ATRN: variants seen among roughly 807,000 people sequenced by gnomAD.
The protein encoded by ATRN is attractin-2.
In ATRN, 54 loss-of-function variants were observed where a neutral mutation model predicts 178.7. The observed-to-expected ratio is 0.30, with a 90% CI of 0.24 to 0.38. ATRN has a LOEUF of 0.38. Among genes scored for constraint, ATRN ranks in the 10% least tolerant of loss-of-function variants. The pLI, the probability that ATRN is intolerant of heterozygous loss-of-function variation, is 1.00. For synonymous variants in ATRN, 636 were observed against 663.0 expected (o/e 0.96, Z 0.63); for missense variants, 1,443 against 1,815.1 (o/e 0.79, Z 3.73).
intron 1 of ATRN, among the ~76,000 whole-genome samples, chr20:3,508,501 A>G (rs1483070458): frequency 6.6e-6 from 1 of 152,200 alleles, no homozygotes; most frequent in Non-Finnish European, 1.5e-5. Context: ...ACTTACAGAA[A>G]CAGGCTACTA....
intron 19 of ATRN, among the ~76,000 whole-genome samples, chr20:3,593,416 C>G (rs1405199076): frequency 6.6e-6 from 1 of 152,204 alleles, no homozygotes; most frequent in East Asian, 1.9e-4. Flanking sequence ...TACATATCAT[C>G]ACAAACACCC....
chr20:3,473,680 C>T (rs921314167), intron 1 of ATRN, among the ~76,000 whole-genome samples: 8 of 152,244 alleles, frequency 5.3e-5, no homozygotes, highest in East Asian at 1.9e-4. Flanking sequence ...TTGAGTCAGA[C>T]GAGGATCCTT....
chr20:3,634,846 T>A (rs2087014243), intron 26 of ATRN, among the ~76,000 whole-genome samples: 1 of 152,260 alleles, frequency 6.6e-6, no homozygotes, highest in Non-Finnish European at 1.5e-5. Flanking sequence ...GTTAAGTTTT[T>A]AACTTGAGTT....
intron 25 of ATRN, among the ~76,000 whole-genome samples, chr20:3,628,427 TCCAAAA>T (rs2086961676): frequency 6.6e-6 from 1 of 152,136 alleles, no homozygotes; most frequent in Non-Finnish European, 1.5e-5. Flanking sequence ...TCAACCGTGG[TCCAAAA>T]ACATTAAGTG....
In ATRN at chr20:3,575,270, T is replaced by C. The variant is rs2086192420; in HGVS notation, c.2093-557T>C. Reference sequence around the variant, plus strand: ...AGCCACCGCATCCGGCCATGCAGCTTCTCTTTTCTAGAGTTAACAGGAGAT... The same window carrying C: ...AGCCACCGCATCCGGCCATGCAGCTCCTCTTTTCTAGAGTTAACAGGAGAT... On this transcript the variant is annotated intron_variant, in intron 12 of 28. Transcript: ENST00000262919. Among the ~76,000 whole-genome samples the C allele has an allele frequency of 2.6e-5, 4 of 152,194 alleles. No homozygotes were observed. The South Asian group carries it at 8.3e-4, about 31-fold the overall frequency.
chr20:3,519,598 A>G (rs2085260146), intron 1 of ATRN, among the ~76,000 whole-genome samples: 1 of 152,182 alleles, frequency 6.6e-6, no homozygotes, highest in Non-Finnish European at 1.5e-5. Context: ...AGAGAAAGAA[A>G]CAGATGGAAG....
intron 18 of ATRN, among the ~76,000 whole-genome samples, chr20:3,588,476 A>G (rs1201390123): frequency 6.6e-6 from 1 of 152,172 alleles, no homozygotes. Context: ...ACTATGTATT[A>G]CATTAATTAA....
chr20:3,500,855 A>T lies in ATRN; in HGVS notation c.410+29338A>T, dbSNP rs1244811019. ...GTATAATGATAATAAATTTTTAAAAAAATTTAAAAAAATAAAAATAAAAAT... is the reference window on the plus strand; with the variant it reads ...GTATAATGATAATAAATTTTTAAAATAATTTAAAAAAATAAAAATAAAAAT... On this transcript the variant is annotated intron_variant, in intron 1 of 28. Transcript: ENST00000262919. Among the ~76,000 whole-genome samples the T allele has an allele frequency of 2.6e-5, 4 of 152,100 alleles. No homozygotes were observed. The East Asian group carries it at 5.8e-4, about 22-fold the overall frequency.
intron 3 of ATRN, among the ~76,000 whole-genome samples, chr20:3,544,492 C>T (rs1007310796): frequency 6.6e-6 from 1 of 151,484 alleles, no homozygotes; most frequent in East Asian, 1.9e-4. Context: ...AGGCTTTTAC[C>T]AAATGTGGTG....
intron 24 of ATRN, among the ~76,000 whole-genome samples, chr20:3,613,176 G>A (rs774548442): frequency 3.3e-4 from 50 of 152,204 alleles, no homozygotes; most frequent in African/African-American, 9.6e-5. Context: ...GAGCACTTGT[G>A]AAAATAAACG....
chr20:3,490,020 CTGAGAGTCAGAG>C (rs1331082690), intron 1 of ATRN: 1 of 1,016,902 alleles, frequency 9.8e-7, no homozygotes, highest in African/African-American at 1.6e-5. Context: ...TTGCTGTTCC[CTGAGAGTCAGAG>C]TATTCATAGA....
In ATRN at chr20:3,645,976, C is replaced by T. The variant is rs113172290; in HGVS notation, c.4166-747C>T. Among the ~76,000 whole-genome samples the T allele has an allele frequency of 1.2e-4, 19 of 152,256 alleles. No homozygotes were observed. The highest frequency in any genetic ancestry group is 3.6e-4 in the African/African-American group (15 of 41,548). The stretch of plus-strand genomic sequence containing the variant: ...TTGCAAGTCCCCAAAGCAAAGTGGG[C>T]GGCGGGGCAGTGATGAGCATAAAGG... On this transcript the variant is annotated intron_variant, in intron 28 of 28. Coordinates refer to ENST00000262919, the MANE Select transcript of ATRN (RefSeq NM_139321.3). This position sits in a 1 kb window ranked among gnomAD's most constrained non-coding sequence, Gnocchi z 4.7.
At chr20:3,606,328 C>G (rs1411508588) in intron 24 of ATRN, among the ~76,000 whole-genome samples, 2 of 152,138 alleles carry the variant, frequency 1.3e-5, no homozygotes, top group Non-Finnish European at 2.9e-5. Flanking sequence ...TCTTGTCTTC[C>G]TGGATTTTTC....
In ATRN at chr20:3,588,988, T is replaced by TTTTG. The variant is rs1247146735; in HGVS notation, c.3185-2178_3185-2177insGTTT. On this transcript the variant is annotated intron_variant, in intron 18 of 28. Coordinates refer to ENST00000262919, the MANE Select transcript of ATRN (RefSeq NM_139321.3). ...TTCGTAGTATTTTCTTTTGTTTTTT[T>TTTTG]TTTTTTTTTTTTGAGACAGAGTCTC... 9.6e-5 allele frequency among the ~76,000 whole-genome samples: 13 copies of TTTTG among 135,294 alleles called. No homozygotes were observed. The South Asian group carries it at 1.0e-3, about 10-fold the overall frequency. The allele number at this position is 135,294 out of a possible 152,430, so 88.8% of individuals were successfully genotyped here. A position where few individuals can be genotyped will look rare whatever the true frequency, so the allele number is the denominator to read the frequency against.
At chr20:3,491,128 C>A (rs1428640946) in intron 1 of ATRN, 6 of 567,276 alleles carry the variant, frequency 1.1e-5, no homozygotes, top group Non-Finnish European at 1.9e-5. Flanking sequence ...TAATTATCTG[C>A]AGATTATTAG....
In ATRN at chr20:3,471,385, C is replaced by G; in HGVS notation, c.278C>G (p.Ser93Ter). ...GCGGCGGCGGCGGCGGTGTCGGGCT[C>G]AGCCGCAGCCGAGGCCAAGGAATGT... ...AAAAAAAVSGSAAAEAKECDR... is the reference protein window; with the variant it reads ...AAAAAAAVSG The change falls in exon 1 of 29, where the codon TCA (serine) becomes TGA (stop). Residue 93 changes from serine to a stop codon, truncating the protein, a stop_gained. Coordinates refer to ENST00000262919, the MANE Select transcript of ATRN (RefSeq NM_139321.3). LOFTEE classifies it high-confidence loss of function. 6.7e-7 allele frequency: 1 copy of G among 1,487,130 alleles called. No individual in the cohort carries two copies. Among genetic ancestry groups the G allele is most frequent in the Non-Finnish European group, 8.9e-7 (1 of 1,127,354 alleles). 92.1% of individuals were successfully genotyped at this position (1,487,130 alleles called of 1,614,324 possible).
intron 1 of ATRN, among the ~76,000 whole-genome samples, chr20:3,510,125 T>C (rs1246267368): frequency 6.6e-6 from 1 of 152,220 alleles, no homozygotes; most frequent in Non-Finnish European, 1.5e-5. Context: ...TATTTGACAT[T>C]GTACAATGCT....
At chr20:3,550,066 G>A (rs1412180482) in intron 6 of ATRN, among the ~76,000 whole-genome samples, 4 of 152,200 alleles carry the variant, frequency 2.6e-5, no homozygotes, top group African/African-American at 9.7e-5. Flanking sequence ...AGTGGCTCAC[G>A]CCTATAACCC....
Position 3,486,359 on chromosome 20 carries a change from G to T in ATRN, c.410+14842G>T, listed in dbSNP as rs560093247. 2.6e-5 allele frequency among the ~76,000 whole-genome samples: 4 copies of T among 150,960 alleles called. No individual in the cohort carries two copies. In the East Asian group the frequency reaches 7.8e-4, roughly 29 times the overall value. ...TGAAGTAAATCTCAGGTGCCATTTT[G>T]TTTCCTTCTGGTTGTTTTTCTTTTC... is the stretch of plus-strand genomic sequence containing the variant. On this transcript the variant is annotated intron_variant, in intron 1 of 28. Coordinates refer to ENST00000262919, the MANE Select transcript of ATRN (RefSeq NM_139321.3).
Sources: gnomAD v4.1 joint callset for allele counts (sites outside exome capture counted in the v4.1 genomes callset) on GRCh38, gnomAD v4.1.1 for gene constraint, Gnocchi (gnomAD v3.1) non-coding constraint, MANE v1.5 for transcripts, NCBI Gene and HGNC (gene_info 2026-07-23, HGNC 2026-07-21) for gene names.